AGBL4: variants seen among roughly 807,000 people sequenced by gnomAD.
AGBL4 encodes cytosolic carboxypeptidase 6.
In AGBL4, 58 loss-of-function variants were observed where a neutral mutation model predicts 66.4. That is an observed-to-expected ratio of 0.87 (90% CI 0.71 to 1.09). The LOEUF (loss-of-function observed/expected upper bound fraction) is 1.09, where lower values mean the gene tolerates loss of function less well. AGBL4 is among the 50% of genes least tolerant of loss of function. AGBL4 has a pLI of 0.00. For synonymous variants in AGBL4, 234 were observed against 222.9 expected (o/e 1.05, Z -0.44); for missense variants, 579 against 631.0 (o/e 0.92, Z 0.88).
At chr1:49,727,455 T>C (rs1649116452) in intron 2 of AGBL4, among the ~76,000 whole-genome samples, 1 of 152,114 alleles carries the variant, frequency 6.6e-6, no homozygotes, top group African/African-American at 2.4e-5. Context: ...AATATCTCTT[T>C]CCATATGAGA....
intron 6 of AGBL4, among the ~76,000 whole-genome samples, chr1:48,815,388 G>C (rs796441657): frequency 6.6e-6 from 1 of 152,210 alleles, no homozygotes; most frequent in African/African-American, 2.4e-5. Context: ...ATTCAACCAG[G>C]GTGAGTAAAT....
chr1:49,922,326 T>C (rs1652342024), intron 1 of AGBL4, among the ~76,000 whole-genome samples: 1 of 152,080 alleles, frequency 6.6e-6, no homozygotes, highest in Non-Finnish European at 1.5e-5. Flanking sequence ...GAGCCATATA[T>C]AACAAACCCA....
intron 3 of AGBL4, among the ~76,000 whole-genome samples, chr1:49,604,355 G>T (rs578024000): frequency 2.4e-4 from 37 of 152,112 alleles, no homozygotes; most frequent in Admixed American, 5.2e-4. Flanking sequence ...TCATATGTTT[G>T]TTGGCCATTT....
chr1:48,773,202 C>G (rs1644919965), intron 6 of AGBL4, among the ~76,000 whole-genome samples: 1 of 152,072 alleles, frequency 6.6e-6, no homozygotes, highest in Admixed American at 6.6e-5. Context: ...GATAGAACAA[C>G]TTAAAATTTT....
At chr1:48,579,342 C>T (rs1644701263) in intron 11 of AGBL4, among the ~76,000 whole-genome samples, 1 of 152,016 alleles carries the variant, frequency 6.6e-6, no homozygotes, top group Non-Finnish European at 1.5e-5. Flanking sequence ...ATTCTTCTAT[C>T]TCAGCCTCCC....
chr1:50,006,333 C>T (rs865903698), intron 1 of AGBL4, among the ~76,000 whole-genome samples: 16 of 144,416 alleles, frequency 1.1e-4, no homozygotes, highest in African/African-American at 2.3e-4. Context: ...AGCAAGACTC[C>T]GCCTCAAAAA....
At chr1:49,932,600 G>A (rs976206453) in intron 1 of AGBL4, among the ~76,000 whole-genome samples, 16 of 151,962 alleles carry the variant, frequency 1.1e-4, no homozygotes, top group Non-Finnish European at 1.5e-5. Flanking sequence ...TCAGGTATCT[G>A]ATAAAACACA....
chr1:49,642,012 T>C (rs932937033), intron 3 of AGBL4, among the ~76,000 whole-genome samples: 1 of 151,938 alleles, frequency 6.6e-6, no homozygotes, highest in Non-Finnish European at 1.5e-5. Context: ...TTTCATGTCA[T>C]ATTTACATGC....
At chr1:48,720,213 A>G (rs1647122714) in intron 6 of AGBL4, among the ~76,000 whole-genome samples, 1 of 152,212 alleles carries the variant, frequency 6.6e-6, no homozygotes, top group South Asian at 2.1e-4. Flanking sequence ...GGAGAAAGAC[A>G]GACACACAAT....
chr1:49,074,015 C>T (rs111633293), intron 4 of AGBL4, among the ~76,000 whole-genome samples: 4 of 152,168 alleles, frequency 2.6e-5, no homozygotes, highest in South Asian at 2.1e-4. Context: ...TTGAACTTCC[C>T]GGTGGCTGTG....
At position 49,838,380 on chromosome 1, in the gene AGBL4, G is replaced by T. The variant is rs1034691481; in HGVS notation, c.157+13016C>A. Among the ~76,000 whole-genome samples, 8 of 152,330 alleles carry T rather than the reference G, an allele frequency of 5.3e-5. No homozygotes were observed. The South Asian group carries it at 6.2e-4, about 12-fold the overall frequency. On this transcript the variant is annotated intron_variant, in intron 2 of 13. Transcript: ENST00000371839. ...TCCTGCCCTACAGACACCTGCAAGA[G>T]GTTCCTCTTAGCTGAGGTAGCTAGA... is the stretch of plus-strand genomic sequence containing the variant.
intron 3 of AGBL4, among the ~76,000 whole-genome samples, chr1:49,279,395 A>C (rs1252597015): frequency 6.6e-6 from 1 of 152,196 alleles, no homozygotes; most frequent in African/African-American, 2.4e-5. Flanking sequence ...GAGAAAAATC[A>C]ATTAGAAAAA....
intron 2 of AGBL4, among the ~76,000 whole-genome samples, chr1:49,711,011 A>G (rs972981490): frequency 3.3e-5 from 5 of 152,106 alleles, no homozygotes; most frequent in Non-Finnish European, 7.4e-5. Context: ...AAAAATGCAT[A>G]TTAAAACCAC....
chr1:49,398,519 C>T lies in AGBL4; in HGVS notation c.283-152655G>A, dbSNP rs920043196. On this transcript the variant is annotated intron_variant, in intron 3 of 13. Coordinates refer to ENST00000371839, the MANE Select transcript of AGBL4 (RefSeq NM_032785.4). ...AGACAGCACATGGTGGGACTTCTGG[C>T]CCTCCATACTCTTGTCACCCAATTC... Among the ~76,000 whole-genome samples, 8 of 152,154 alleles carry T rather than the reference C, an allele frequency of 5.3e-5. No individual in the cohort carries two copies. In the East Asian group the frequency reaches 1.5e-3, roughly 29 times the overall value.
chr1:49,812,397 T>G (rs1645120893), intron 2 of AGBL4, among the ~76,000 whole-genome samples: 1 of 152,200 alleles, frequency 6.6e-6, no homozygotes, highest in Non-Finnish European at 1.5e-5. Flanking sequence ...GACACAAGGC[T>G]GTATACATGG....
At chr1:49,358,901 A>ATTTATATGG (rs1644076428) in intron 3 of AGBL4, among the ~76,000 whole-genome samples, 2 of 152,242 alleles carry the variant, frequency 1.3e-5, no homozygotes, top group African/African-American at 4.8e-5. Context: ...AGCCTACTAC[A>ATTTATATGG]GTTTATATGG....
chr1:48,990,974 C>G (rs1017809370), intron 5 of AGBL4, among the ~76,000 whole-genome samples: 1 of 152,006 alleles, frequency 6.6e-6, no homozygotes, highest in African/African-American at 2.4e-5. Flanking sequence ...ATGATTTAGT[C>G]TTTGTACTTA....
At chr1:49,965,141 C>G (rs1050027020) in intron 1 of AGBL4, among the ~76,000 whole-genome samples, 1 of 152,106 alleles carries the variant, frequency 6.6e-6, no homozygotes, top group African/African-American at 2.4e-5. Context: ...ATAAGAAAAT[C>G]CAACTCCATG....
At chr1:49,527,302 A>T (rs891519572) in intron 3 of AGBL4, 1 of 151,962 alleles carries the variant, frequency 6.6e-6, no homozygotes, top group Non-Finnish European at 1.5e-5. Flanking sequence ...TCTTAGTCCC[A>T]TCCAGTCATC....
Sources: allele counts gnomAD v4.1 joint callset (sites outside exome capture counted in the v4.1 genomes callset), GRCh38; gene constraint gnomAD v4.1.1; transcripts MANE v1.5; gene names NCBI Gene and HGNC (gene_info 2026-07-23, HGNC 2026-07-21).